The following NLRP3 variants were observed in gnomAD, a reference collection of about 807,000 sequenced individuals.
The protein encoded by NLRP3 is NACHT, LRR and PYD domains-containing protein 3.
NLRP3 carries 48 observed loss-of-function variants against 91.3 expected under a neutral mutation model. The observed-to-expected ratio is 0.53, with a 90% CI of 0.42 to 0.67. The LOEUF (loss-of-function observed/expected upper bound fraction) is 0.67, where lower values mean the gene tolerates loss of function less well. Among genes scored for constraint, NLRP3 ranks in the 30% least tolerant of loss-of-function variants. The probability of loss-of-function intolerance (pLI) is 0.00; values close to 1 mark genes in which losing one functional copy is unlikely to be tolerated. For synonymous variants in NLRP3, 561 were observed against 507.9 expected (o/e 1.10, Z -1.41); for missense variants, 982 against 1,276.9 (o/e 0.77, Z 3.52).
rs1558196902 is a variant in NLRP3, at chr1:247,429,886, T to C, written c.2321+131T>C. 2.5e-6 allele frequency: 3 copies of C among 1,218,562 alleles called. No homozygotes were observed. The South Asian group carries it at 3.9e-5, about 16-fold the overall frequency. The allele number at this position is 1,218,562 out of a possible 1,614,324, so 75.5% of individuals were successfully genotyped here. A position where few individuals can be genotyped will look rare whatever the true frequency, so the allele number is the denominator to read the frequency against. On this transcript the variant is annotated intron_variant, in intron 5 of 9. Coordinates refer to ENST00000336119, the MANE Select transcript of NLRP3 (RefSeq NM_001243133.2). ...CTTTCTTTTCTTTTTCTTTTTTTCT[T>C]TTTTTGAGGCAGAGTTTTGCTCTTA... is the stretch of plus-strand genomic sequence containing the variant.
chr1:247,431,880 G>C (rs1663357449), intron 5 of NLRP3, among the ~76,000 whole-genome samples: 1 of 152,204 alleles, frequency 6.6e-6, no homozygotes. Flanking sequence ...CACAGTGGTA[G>C]TGTCTGGGCT....
chr1:247,423,942 C>T lies in NLRP3; in HGVS notation c.493C>T (p.Arg165Cys), dbSNP rs141906483. The T allele has an allele frequency of 5.6e-6, 9 of 1,613,836 alleles. No homozygotes were observed. The highest frequency in any genetic ancestry group is 2.2e-5 in the South Asian group (2 of 91,048). ...RLGESVSLNK[R>C]YTRLRLIKEH... Reference sequence around the variant, plus strand: ...GGGTGAGAGTGTGAGCCTCAACAAACGCTACACACGACTGCGTCTCATCAA... The same window carrying T: ...GGGTGAGAGTGTGAGCCTCAACAAATGCTACACACGACTGCGTCTCATCAA... Residue 165 changes from arginine (R) to cysteine (C), a missense_variant, in exon 4 of 10, where the codon CGC becomes TGC. Arg to Cys is a radical substitution (Grantham distance 180). This residue lies in a region of NLRP3 where 548 missense variants were observed against 713.7 expected (regional missense o/e 0.77). Transcript: ENST00000336119.
At chr1:247,434,933 C>T (rs773411308) in intron 6 of NLRP3, among the ~76,000 whole-genome samples, 1 of 152,118 alleles carries the variant, frequency 6.6e-6, no homozygotes, top group Non-Finnish European at 1.5e-5. Flanking sequence ...ATTTCCACTG[C>T]TGGGTATATC....
Position 247,419,002 on chromosome 1 carries a change from A to G in NLRP3, c.202A>G (p.Met68Val). ...DFNGEEKAWA[M>V]AVWIFAAINR... ...CAATGGGGAGGAGAAGGCGTGGGCC[A>G]TGGCCGTGTGGATCTTCGCTGCGAT... is the stretch of plus-strand genomic sequence containing the variant. The change falls in exon 2 of 10, where the codon ATG (methionine) becomes GTG (valine). Residue 68 changes from methionine (M) to valine (V), a missense_variant. Transcript: ENST00000336119. 1 of 1,614,070 alleles carries G rather than the reference A, an allele frequency of 6.2e-7. No homozygotes were observed. The highest frequency in any genetic ancestry group is 8.5e-7 in the Non-Finnish European group (1 of 1,180,034).
intron 7 of NLRP3, among the ~76,000 whole-genome samples, chr1:247,436,355 C>T (rs1255103472): frequency 6.6e-6 from 1 of 152,186 alleles, no homozygotes; most frequent in Non-Finnish European, 1.5e-5. Context: ...ACTAGAGTTT[C>T]TTAGTGTTGG....
Position 247,448,117 on chromosome 1 carries a change from G to A in NLRP3, c.3006-288G>A, listed in dbSNP as rs1664708631. 2.6e-5 allele frequency among the ~76,000 whole-genome samples: 4 copies of A among 151,816 alleles called. No homozygotes were observed. The South Asian group carries it at 8.4e-4, about 32-fold the overall frequency. The stretch of plus-strand genomic sequence containing the variant: ...CAGCCACTCCAGGCTGGGGTCCTGG[G>A]GGTCTGAGGCTCCCAGTGACGAAGG... On this transcript the variant is annotated intron_variant, in intron 9 of 9. Transcript: ENST00000336119.
In NLRP3 at chr1:247,423,976, G is replaced by A. The variant is rs1364721246; in HGVS notation, c.527G>A (p.Arg176Gln). ...YTRLRLIKEH[R>Q]SQQEREQELL... is the part of the protein sequence containing the mutation. ...CGACTGCGTCTCATCAAGGAGCACCGGAGCCAGCAGGAGAGGGAGCAGGAG... is the reference window on the plus strand; with the variant it reads ...CGACTGCGTCTCATCAAGGAGCACCAGAGCCAGCAGGAGAGGGAGCAGGAG... The change falls in exon 4 of 10, where the codon CGG becomes CAG. Residue 176 changes from arginine (R) to glutamine (Q), a missense_variant. Transcript: ENST00000336119. 3.7e-6 allele frequency: 6 copies of A among 1,613,926 alleles called. No individual in the cohort carries two copies. Among genetic ancestry groups the A allele is most frequent in the East Asian group, 4.5e-5 (2 of 44,878 alleles).
Position 247,419,022 on chromosome 1 carries a change from T to C in NLRP3, c.222T>C (p.Ala74=), listed in dbSNP as rs143033119. The C allele has an allele frequency of 1.2e-6, 2 of 1,613,320 alleles. No homozygotes were observed. The highest frequency in any genetic ancestry group is 2.7e-5 in the African/African-American group (2 of 74,748). ...KAWAMAVWIF[A]AINRRDLYEK... is the part of the protein sequence containing the mutation. ...GGGCCATGGCCGTGTGGATCTTCGCTGCGATCAACAGGAGAGACCTTTATG... is the reference window on the plus strand; with the variant it reads ...GGGCCATGGCCGTGTGGATCTTCGCCGCGATCAACAGGAGAGACCTTTATG... The change falls in exon 2 of 10, where the codon GCT becomes GCC. Residue 74 remains alanine, a synonymous_variant. Transcript: ENST00000336119.
intron 3 of NLRP3, 25 bp from the exon 4 acceptor site, chr1:247,423,822 C>A: frequency 1.2e-6 from 2 of 1,607,032 alleles, no homozygotes; most frequent in Non-Finnish European, 1.7e-6. Context: ...TATACTTTCC[C>A]CCTAACTTCC....
intron 7 of NLRP3, among the ~76,000 whole-genome samples, chr1:247,438,259 C>T (rs373230110): frequency 7.9e-5 from 12 of 152,202 alleles, no homozygotes; most frequent in Admixed American, 2.6e-4. Context: ...AAGCCTTCTT[C>T]GCTCTTATTT....
chr1:247,447,305 G>T (rs550521571), intron 9 of NLRP3, among the ~76,000 whole-genome samples: 1 of 152,286 alleles, frequency 6.6e-6, no homozygotes, highest in African/African-American at 2.4e-5. Flanking sequence ...AGACAGGGGA[G>T]AAAGAACAAA....
chr1:247,433,986 CTGA>C, intron 5 of NLRP3, 114 bp from the exon 6 acceptor site: 2 of 846,720 alleles, frequency 2.4e-6, no homozygotes, highest in African/African-American at 3.5e-5. Flanking sequence ...CAGATGTGTT[CTGA>C]TGCTTTCTCT....
chr1:247,442,989 A>G (rs1400491322), intron 7 of NLRP3, among the ~76,000 whole-genome samples: 3 of 152,136 alleles, frequency 2.0e-5, no homozygotes, highest in African/African-American at 7.2e-5. Context: ...GTGCAGTGGC[A>G]ATCTCGGCTC....
chr1:247,425,569 C>G lies in NLRP3; in HGVS notation c.2120C>G (p.Pro707Arg), dbSNP rs200378519. ...RHLDMVQCVL[P>R]SSSHAACSHG... ...CTTGATATGGTGCAGTGTGTCCTCC[C>G]AAGCTCCTCTCATGCTGCCTGTTCT... The change falls in exon 4 of 10, where the codon CCA becomes CGA. Residue 707 changes from proline (P) to arginine (R), a missense_variant. By Grantham distance (103) the Pro-to-Arg change is moderately radical. Around this residue, in one of 5 missense-constraint regions of NLRP3, gnomAD observed 373 missense variants for 431.5 expected, o/e 0.86. Transcript: ENST00000336119. The surrounding 1 kb of genome is among the most constrained non-coding windows in gnomAD (Gnocchi z 4.1). The G allele has an allele frequency of 1.2e-6, 2 of 1,609,752 alleles. No homozygotes were observed. The highest frequency in any genetic ancestry group is 1.7e-6 in the Non-Finnish European group (2 of 1,180,008).
chr1:247,433,708 TCCGGAG>T (rs1663525277), intron 5 of NLRP3, among the ~76,000 whole-genome samples: 1 of 106,836 alleles, frequency 9.4e-6, no homozygotes, highest in African/African-American at 3.8e-5. Context: ...CTTTCTCTAT[TCCGGAG>T]CTCTCTGGTC....
At chr1:247,417,116 C>T (rs1662117690) in intron 1 of NLRP3, among the ~76,000 whole-genome samples, 1 of 152,204 alleles carries the variant, frequency 6.6e-6, no homozygotes, top group Non-Finnish European at 1.5e-5. Flanking sequence ...TGCAGTGATA[C>T]ACCTGTGATA....
rs202204283 is a variant in NLRP3, at chr1:247,425,079, G to A, written c.1630G>A (p.Val544Ile). Reference protein sequence around the residue: ...LEEEKEGRTNVPGSRLKLPSR... With the variant: ...LEEEKEGRTNIPGSRLKLPSR... Reference sequence around the variant, plus strand: ...AGAGGAAAAGGAAGGAAGGACGAACGTTCCAGGGAGTCGTTTGAAGCTTCC... The same window carrying A: ...AGAGGAAAAGGAAGGAAGGACGAACATTCCAGGGAGTCGTTTGAAGCTTCC... Residue 544 changes from valine (V) to isoleucine (I), a missense_variant, in exon 4 of 10, where the codon GTT (valine) becomes ATT (isoleucine). By Grantham distance (29) the Val-to-Ile change is conservative. Coordinates refer to ENST00000336119, the MANE Select transcript of NLRP3 (RefSeq NM_001243133.2). The surrounding 1 kb of genome is among the most constrained non-coding windows in gnomAD (Gnocchi z 4.1). The A allele has an allele frequency of 2.0e-5, 32 of 1,614,182 alleles. No homozygotes were observed. Among genetic ancestry groups the A allele is most frequent in the Middle Eastern group, 1.6e-4 (1 of 6,062 alleles).
Position 247,444,132 on chromosome 1 carries a change from C to G in NLRP3, c.2824C>G (p.Gln942Glu). 6.2e-7 allele frequency: 1 copy of G among 1,614,216 alleles called. No individual in the cohort carries two copies. ...EGLLHPDCKL[Q>E]VLELDNCNLT... The stretch of plus-strand genomic sequence containing the variant: ...ACTCTTGCACCCCGACTGCAAGCTT[C>G]AGGTGTTGGAGTAAGTCCTTTGGTT... The change falls in exon 8 of 10, where the codon CAG (glutamine) becomes GAG (glutamate). Residue 942 changes from glutamine to glutamate, a missense_variant. Physicochemically the swap from Gln to Glu is conservative, Grantham distance 29 (BLOSUM62 2). Transcript: ENST00000336119.
At chr1:247,428,818 A>G (rs555448389) in intron 4 of NLRP3, among the ~76,000 whole-genome samples, 38 of 152,130 alleles carry the variant, frequency 2.5e-4, no homozygotes, top group African/African-American at 8.9e-4. Context: ...AAAAAAATTT[A>G]AAAAATTCAT....
Sources: allele counts gnomAD v4.1 joint callset (sites outside exome capture counted in the v4.1 genomes callset), GRCh38; gene constraint gnomAD v4.1.1; regional missense constraint gnomAD v4.1.1; non-coding constraint Gnocchi (gnomAD v3.1); transcripts MANE v1.5; gene names NCBI Gene and HGNC (gene_info 2026-07-23, HGNC 2026-07-21).